The following PARG variants were observed in gnomAD, a reference collection of about 807,000 sequenced individuals.
PARG encodes the protein mitochondrial poly(ADP-ribose) glycohydrolase.
A neutral mutation model predicts 113.0 loss-of-function variants in PARG; 35 were observed. The ratio of observed to expected loss-of-function variants is 0.31; its 90% CI spans 0.24 to 0.41. PARG has a LOEUF of 0.41. Among genes scored for constraint, PARG ranks in the 10% least tolerant of loss-of-function variants. PARG has a pLI of 1.00. For synonymous variants in PARG, 330 were observed against 409.9 expected, an observed-to-expected ratio of 0.81 and a Z score of 2.36; for missense variants, 797 against 1,169.4, an observed-to-expected ratio of 0.68 and a Z score of 4.64.
chr10:49,890,548 C>T (rs1847722940), intron 7 of PARG, among the ~76,000 whole-genome samples: 1 of 152,120 alleles, frequency 6.6e-6, no homozygotes, highest in South Asian at 2.1e-4. Context: ...TCTCATGGCA[C>T]AAAGCCCTAT....
intron 13 of PARG, among the ~76,000 whole-genome samples, chr10:49,847,339 G>A (rs1440681822): frequency 6.6e-6 from 1 of 151,654 alleles, no homozygotes; most frequent in Admixed American, 6.6e-5. Flanking sequence ...TGACAGTGGA[G>A]GAACCTGGTC....
chr10:49,838,929 T>C (rs1027891201), intron 15 of PARG, among the ~76,000 whole-genome samples: 2 of 152,342 alleles, frequency 1.3e-5, no homozygotes, highest in South Asian at 2.1e-4. Context: ...TATTGAGCAC[T>C]TGAAGAATAT....
intron 4 of PARG, among the ~76,000 whole-genome samples, chr10:49,926,592 G>A (rs553471530): frequency 2.6e-5 from 4 of 152,274 alleles, no homozygotes; most frequent in African/African-American, 7.2e-5. Context: ...ATTTCTTCCT[G>A]AGGGGCCTGG....
intron 10 of PARG, among the ~76,000 whole-genome samples, chr10:49,868,073 C>T (rs1237325580): frequency 2.0e-5 from 3 of 152,172 alleles, no homozygotes; most frequent in Non-Finnish European, 4.4e-5. Flanking sequence ...CTGCAACCTC[C>T]ACCTCCTGGG....
intron 4 of PARG, 121 bp downstream of exon 4, chr10:49,931,979 A>G: frequency 1.5e-6 from 1 of 658,696 alleles, no homozygotes; most frequent in Non-Finnish European, 2.7e-6. Flanking sequence ...AATTCTCAGT[A>G]TTTTATATAT....
chr10:49,820,898 C>A (rs1023034001), intron 16 of PARG, among the ~76,000 whole-genome samples: 2 of 152,038 alleles, frequency 1.3e-5, no homozygotes, highest in Non-Finnish European at 1.5e-5. Context: ...TATTTATATT[C>A]GCTTCTATTA....
chr10:49,891,107 G>A (rs1480405005), intron 7 of PARG, among the ~76,000 whole-genome samples: 1 of 152,222 alleles, frequency 6.6e-6, no homozygotes, highest in African/African-American at 2.4e-5. Flanking sequence ...CAGGTCAGGA[G>A]ATCAAGACCA....
chr10:49,905,742 C>T (rs1376737911), intron 7 of PARG, among the ~76,000 whole-genome samples: 3 of 151,186 alleles, frequency 2.0e-5, no homozygotes, highest in Non-Finnish European at 4.4e-5. Context: ...AAGGGATGAA[C>T]GCAGTGGAGA....
chr10:49,898,237 A>G (rs1195969190), intron 7 of PARG, among the ~76,000 whole-genome samples: 2 of 152,278 alleles, frequency 1.3e-5, no homozygotes, highest in African/African-American at 4.8e-5. Flanking sequence ...CAGATATAAT[A>G]GTGTTTTATG....
At chr10:49,825,914 C>T (rs1844333768) in intron 16 of PARG, among the ~76,000 whole-genome samples, 2 of 152,178 alleles carry the variant, frequency 1.3e-5, no homozygotes, top group Admixed American at 6.5e-5. Flanking sequence ...TTGAGTATCC[C>T]TCATCTGAAA....
At chr10:49,845,917 T>G (rs1845483305) in intron 13 of PARG, among the ~76,000 whole-genome samples, 1 of 151,628 alleles carries the variant, frequency 6.6e-6, no homozygotes, top group Non-Finnish European at 1.5e-5. Flanking sequence ...AAAATGCTTA[T>G]TGAATGCAAT....
At chr10:49,864,930 C>A (rs1172975831) in intron 11 of PARG, among the ~76,000 whole-genome samples, 1 of 148,040 alleles carries the variant, frequency 6.8e-6, no homozygotes, top group Non-Finnish European at 1.5e-5. Context: ...AAAGACTTTT[C>A]TCAATCTTGT....
intron 4 of PARG, among the ~76,000 whole-genome samples, chr10:49,928,250 G>T (rs1838312973): frequency 1.3e-5 from 2 of 151,696 alleles, no homozygotes; most frequent in African/African-American, 2.4e-5. Flanking sequence ...CAGTCTGGGT[G>T]ACAGAGCAAG....
intron 2 of PARG, 126 bp from the exon 3 acceptor site, chr10:49,934,289 T>C (rs1838637355): frequency 9.7e-6 from 6 of 618,964 alleles, no homozygotes; most frequent in African/African-American, 3.7e-5. Flanking sequence ...GCATGTCTTC[T>C]ATGACTCCAT....
intron 15 of PARG, among the ~76,000 whole-genome samples, chr10:49,837,591 G>A (rs1259195668): frequency 2.0e-5 from 3 of 152,194 alleles, no homozygotes; most frequent in Non-Finnish European, 4.4e-5. Flanking sequence ...ATAGGTAAAT[G>A]TAACTAGTAA....
chr10:49,835,427 G>A (rs1844866953), intron 15 of PARG, among the ~76,000 whole-genome samples: 1 of 152,122 alleles, frequency 6.6e-6, no homozygotes, highest in Non-Finnish European at 1.5e-5. Context: ...GAGACCTCAG[G>A]ATAGTAAGCA....
At chr10:49,821,128 A>G (rs1844055236) in intron 16 of PARG, among the ~76,000 whole-genome samples, 1 of 152,128 alleles carries the variant, frequency 6.6e-6, no homozygotes, top group Non-Finnish European at 1.5e-5. Context: ...GAGTTCCTGA[A>G]AACACTGGAC....
rs1554835811 is a variant in PARG, at chr10:49,860,883, G to A, written c.2205+705C>T. 2.5e-4 allele frequency among the ~76,000 whole-genome samples: 38 copies of A among 152,116 alleles called. 1 individual carries two copies. ...AAGAACACAAAACACTAACATTAGT[G>A]AATGTTAAAGAAGCATTATAAATCA... is the stretch of plus-strand genomic sequence containing the variant. On this transcript the variant is annotated intron_variant, in intron 12 of 17. Coordinates refer to ENST00000616448, the MANE Select transcript of PARG (RefSeq NM_003631.5).
intron 1 of PARG, among the ~76,000 whole-genome samples, chr10:49,936,050 T>C (rs1459041428): frequency 3.3e-5 from 5 of 152,014 alleles, no homozygotes; most frequent in African/African-American, 1.2e-4. Flanking sequence ...ATCTGGATCA[T>C]CAGGAAGCCA....
Sources: allele counts gnomAD v4.1 joint callset (sites outside exome capture counted in the v4.1 genomes callset), GRCh38; gene constraint gnomAD v4.1.1; transcripts MANE v1.5; gene names NCBI Gene and HGNC (gene_info 2026-07-23, HGNC 2026-07-21).